The following ANAPC16 variants were observed in gnomAD, a reference collection of about 807,000 sequenced individuals.
The protein encoded by ANAPC16 is anaphase-promoting complex subunit 16.
In ANAPC16, 6 loss-of-function variants were observed where a neutral mutation model predicts 13.1. The ratio of observed to expected loss-of-function variants is 0.46; its 90% CI spans 0.25 to 0.90. The LOEUF is 0.90. Among genes scored for constraint, ANAPC16 ranks in the 40% least tolerant of loss-of-function variants. The pLI is 0.18. For missense variants in ANAPC16, 113 were observed against 131.1 expected, an observed-to-expected ratio of 0.86 and a Z score of 0.67; for synonymous variants, 55 against 51.3, an observed-to-expected ratio of 1.07 and a Z score of -0.31.
At chr10:72,218,145 CAAAAAA>C (rs142932037) in intron 1 of ANAPC16, among the ~76,000 whole-genome samples, 483 of 34,794 alleles carry the variant, frequency 0.014, 5 homozygotes, top group East Asian at 0.03. Context: ...AACTCTGTCT[CAAAAAA>C]AAAAAAAAAA....
rs189399254 is a variant in ANAPC16 at position 72,231,722 on chromosome 10, A to G, written c.218-1279A>G. Among the ~76,000 whole-genome samples, 930 of 152,110 alleles carry G rather than the reference A, an allele frequency of 6.1e-3. 8 individuals carry two copies. The highest frequency in any genetic ancestry group is 0.021 in the African/African-American group (860 of 41,508). The stretch of plus-strand genomic sequence containing the variant: ...CAGGTGCACGCCACCACGCCCAGCT[A>G]ATTTTTGTATTTTTAGTAGAGATGG... On this transcript the variant is annotated intron_variant, in intron 3 of 3. Coordinates refer to ENST00000299381, the MANE Select transcript of ANAPC16 (RefSeq NM_173473.4).
Position 72,223,937 on chromosome 10 carries a change from C to T in ANAPC16, c.23C>T (p.Ser8Phe), listed in dbSNP as rs1307294044. 2 of 1,606,900 alleles carry T rather than the reference C, an allele frequency of 1.2e-6. No individual in the cohort carries two copies. The highest frequency in any genetic ancestry group is 1.7e-5 in the Admixed American group (1 of 59,758). ...GAAATGGCTGCTTCATCATCATCCT[C>T]CTCAGCTGGTGGGGTCAGTGGAAGT... MAASSSS[S>F]SAGGVSGSSV... Residue 8 changes from serine to phenylalanine, a missense_variant, in exon 2 of 4, where the codon TCC becomes TTC. Physicochemically the swap from Ser to Phe is radical, Grantham distance 155 (BLOSUM62 -2). Transcript: ENST00000299381.
Position 72,233,812 on chromosome 10 carries a change from C to G in ANAPC16, c.*696C>G, listed in dbSNP as rs541474133. The G allele has an allele frequency of 2.0e-5, 3 of 152,544 alleles. No homozygotes were observed. Among genetic ancestry groups the G allele is most frequent in the Non-Finnish European group, 4.4e-5 (3 of 68,038 alleles). 9.4% of individuals were successfully genotyped at this position (152,544 alleles called of 1,614,324 possible). On this transcript the variant is annotated 3_prime_UTR_variant, in exon 4 of 4. Transcript: ENST00000299381. ...CAAGCAATTCTGTAGCAAATAAATC[C>G]TTTGAAAGAGCTCCAAATTGGTGGC...
chr10:72,218,940 G>C (rs894753556), intron 1 of ANAPC16, among the ~76,000 whole-genome samples: 1 of 152,200 alleles, frequency 6.6e-6, no homozygotes, highest in South Asian at 2.1e-4. Flanking sequence ...AAGGGAGTTC[G>C]TTTGATTATA....
chr10:72,218,158 AAAAAAAAATATATATATAT>A (rs1399990584), intron 1 of ANAPC16, among the ~76,000 whole-genome samples: 5 of 46,766 alleles, frequency 1.1e-4, no homozygotes, highest in South Asian at 8.4e-4. Context: ...AAAAAAAAAA[AAAAAAAAATATATATATAT>A]ATATATATAT....
At chr10:72,220,708 C>T (rs542077059) in intron 1 of ANAPC16, 233 of 100,544 alleles carry the variant, frequency 2.3e-3, no homozygotes, top group African/African-American at 0.011. Flanking sequence ...CATTTTGCAA[C>T]TAGCAAAAAA....
At chr10:72,219,843 G>A (rs560028700) in intron 1 of ANAPC16, among the ~76,000 whole-genome samples, 3 of 152,268 alleles carry the variant, frequency 2.0e-5, no homozygotes, top group African/African-American at 7.2e-5. Context: ...CTATTAATCA[G>A]TGTTACTTAT....
In ANAPC16 at chr10:72,230,382, C is replaced by G. The variant is rs11952; in HGVS notation, c.159C>G (p.Phe53Leu). ...TGTTTGTAGATGGCTCTGAGAGATTCCTCTGCGAATCTGTTTTTAGCTATC... is the reference window on the plus strand; with the variant it reads ...TGTTTGTAGATGGCTCTGAGAGATTGCTCTGCGAATCTGTTTTTAGCTATC... ...GEMLEDGSERFLCESVFSYQV... is the reference protein window; with the variant it reads ...GEMLEDGSERLLCESVFSYQV... Residue 53 changes from phenylalanine (F) to leucine (L), a missense_variant, in exon 3 of 4, where the codon TTC becomes TTG. Physicochemically the swap from Phe to Leu is conservative, Grantham distance 22. Coordinates refer to ENST00000299381, the MANE Select transcript of ANAPC16 (RefSeq NM_173473.4). 2.5e-6 allele frequency: 4 copies of G among 1,614,026 alleles called. No individual in the cohort carries two copies. Among genetic ancestry groups the G allele is most frequent in the Non-Finnish European group, 3.4e-6 (4 of 1,179,978 alleles).
intron 2 of ANAPC16, among the ~76,000 whole-genome samples, chr10:72,229,085 A>G (rs1243830159): frequency 6.6e-6 from 1 of 152,168 alleles, no homozygotes; most frequent in Non-Finnish European, 1.5e-5. Context: ...TTTAAGCAAG[A>G]ATATGAATAG....
In ANAPC16 at chr10:72,234,287, C is replaced by T. The variant is rs968848420; in HGVS notation, c.*1171C>T. The stretch of plus-strand genomic sequence containing the variant: ...CCTCCCAAATTGCTGGGATTACAGG[C>T]GTGAGCCACCTTGCCCAGCCAATTT... On this transcript the variant is annotated 3_prime_UTR_variant, in exon 4 of 4. Transcript: ENST00000299381. 1.3e-5 allele frequency: 2 copies of T among 152,322 alleles called. No homozygotes were observed. Among genetic ancestry groups the T allele is most frequent in the South Asian group, 2.1e-4 (1 of 4,830 alleles). The allele number at this position is 152,322 out of a possible 1,614,324, so 9.4% of individuals were successfully genotyped here.
intron 2 of ANAPC16, among the ~76,000 whole-genome samples, chr10:72,228,687 G>T (rs1343475587): frequency 6.6e-6 from 1 of 152,166 alleles, no homozygotes; most frequent in Non-Finnish European, 1.5e-5. Flanking sequence ...AATAGGATGT[G>T]GCTAAGAAGC....
intron 1 of ANAPC16, among the ~76,000 whole-genome samples, chr10:72,222,916 C>G (rs926934166): frequency 6.6e-6 from 1 of 152,078 alleles, no homozygotes; most frequent in African/African-American, 2.4e-5. Context: ...ACAGTTTTCT[C>G]GTTAACATTT....
chr10:72,224,863 A>G (rs1342073732), intron 2 of ANAPC16, among the ~76,000 whole-genome samples: 1 of 152,192 alleles, frequency 6.6e-6, no homozygotes, highest in Non-Finnish European at 1.5e-5. Context: ...TGTGGTTCTT[A>G]TAGCACCAAA....
At chr10:72,230,602 C>CA (rs1309010959) in intron 3 of ANAPC16, among the ~76,000 whole-genome samples, 162 bp downstream of exon 3, 2 of 152,160 alleles carry the variant, frequency 1.3e-5, no homozygotes, top group African/African-American at 4.8e-5. Flanking sequence ...CACATTGAGG[C>CA]TTAAGGTTGG....
rs201778398 is a variant in ANAPC16, at chr10:72,233,143, C to T, written c.*27C>T. On this transcript the variant is annotated 3_prime_UTR_variant, in exon 4 of 4. Coordinates refer to ENST00000299381, the MANE Select transcript of ANAPC16 (RefSeq NM_173473.4). Reference sequence around the variant, plus strand: ...ACTGCCTGGATGGTCACCTCTGGTGCGCAGCAAGTGCAAAGCCAGTGGGGG... The same window carrying T: ...ACTGCCTGGATGGTCACCTCTGGTGTGCAGCAAGTGCAAAGCCAGTGGGGG... The T allele has an allele frequency of 3.2e-5, 51 of 1,588,982 alleles. No individual in the cohort carries two copies. In the African/African-American group the frequency reaches 4.6e-4, roughly 14 times the overall value.
At chr10:72,227,613 A>C (rs774225710) in intron 2 of ANAPC16, among the ~76,000 whole-genome samples, 2 of 152,236 alleles carry the variant, frequency 1.3e-5, no homozygotes, top group African/African-American at 2.4e-5. Context: ...TAAATTGAGA[A>C]GAGTACTCTG....
Position 72,230,374 on chromosome 10 carries a change from G to A in ANAPC16, c.151G>A (p.Glu51Lys), listed in dbSNP as rs1860258448. 4.3e-6 allele frequency: 7 copies of A among 1,613,724 alleles called. No homozygotes were observed. The highest frequency in any genetic ancestry group is 5.9e-6 in the Non-Finnish European group (7 of 1,179,802). The change falls in exon 3 of 4, where the codon GAG (glutamate) becomes AAG (lysine). Residue 51 changes from glutamate (E) to lysine (K), a missense_variant. By Grantham distance (56) the Glu-to-Lys change is moderately conservative. Transcript: ENST00000299381. ...TCTCCTTTTGTTTGTAGATGGCTCTGAGAGATTCCTCTGCGAATCTGTTTT... is the reference window on the plus strand; with the variant it reads ...TCTCCTTTTGTTTGTAGATGGCTCTAAGAGATTCCTCTGCGAATCTGTTTT... ...GAGEMLEDGS[E>K]RFLCESVFSY...
rs1040509527 is a variant in ANAPC16 at position 72,233,151 on chromosome 10, G to A, written c.*35G>A. 1 of 1,569,406 alleles carries A rather than the reference G, an allele frequency of 6.4e-7. No homozygotes were observed. Among genetic ancestry groups the A allele is most frequent in the Non-Finnish European group, 8.8e-7 (1 of 1,141,002 alleles). ...GATGGTCACCTCTGGTGCGCAGCAA[G>A]TGCAAAGCCAGTGGGGGACTTTCTC... is the stretch of plus-strand genomic sequence containing the variant. On this transcript the variant is annotated 3_prime_UTR_variant, in exon 4 of 4. Transcript: ENST00000299381.
At chr10:72,227,584 T>C (rs1860161594) in intron 2 of ANAPC16, among the ~76,000 whole-genome samples, 2 of 152,066 alleles carry the variant, frequency 1.3e-5, no homozygotes, top group South Asian at 4.2e-4. Context: ...TTTAATATTC[T>C]TGGTCAAATC....
Sources: gnomAD v4.1 joint callset for allele counts (sites outside exome capture counted in the v4.1 genomes callset) on GRCh38, gnomAD v4.1.1 for gene constraint, MANE v1.5 for transcripts, NCBI Gene and HGNC (gene_info 2026-07-23, HGNC 2026-07-21) for gene names.